The following HPSE2 variants were observed in gnomAD, a reference collection of about 807,000 sequenced individuals.
HPSE2 encodes inactive heparanase-2.
A neutral mutation model predicts 60.5 loss-of-function variants in HPSE2; 38 were observed. The ratio of observed to expected loss-of-function variants is 0.63; its 90% confidence interval spans 0.48 to 0.82. The LOEUF (loss-of-function observed/expected upper bound fraction) is 0.82, where lower values mean the gene tolerates loss of function less well. HPSE2 is among the 40% of genes least tolerant of loss of function. HPSE2 has a pLI of 0.00. For synonymous variants in HPSE2, 295 were observed against 293.2 expected, an observed-to-expected ratio of 1.01 and a Z score of -0.06; for missense variants, 713 against 740.4, an observed-to-expected ratio of 0.96 and a Z score of 0.43.
intron 3 of HPSE2, among the ~76,000 whole-genome samples, chr10:99,008,040 T>C (rs914283498): frequency 6.6e-6 from 1 of 152,226 alleles, no homozygotes; most frequent in Non-Finnish European, 1.5e-5. Flanking sequence ...AATCCTAGTA[T>C]GACTTCTTGC....
chr10:98,963,643 G>A (rs575749712), intron 3 of HPSE2, among the ~76,000 whole-genome samples: 2 of 152,242 alleles, frequency 1.3e-5, no homozygotes, highest in South Asian at 2.1e-4. Context: ...CAAGAAATAC[G>A]TAAGTATGGT....
In HPSE2 at chr10:98,969,428, C is replaced by T. The variant is rs1158182071; in HGVS notation, c.610+174810G>A. Reference sequence around the variant, plus strand: ...AGTTGCATTGGTCTGAGGCCCAGTGCCAACTATTTTTGCCCAGACTTCCCC... The same window carrying T: ...AGTTGCATTGGTCTGAGGCCCAGTGTCAACTATTTTTGCCCAGACTTCCCC... On this transcript the variant is annotated intron_variant, in intron 3 of 11. Transcript: ENST00000370552. Among the ~76,000 whole-genome samples, 3 of 152,154 alleles carry T rather than the reference C, an allele frequency of 2.0e-5. No individual in the cohort carries two copies. The South Asian group carries it at 6.2e-4, about 32-fold the overall frequency.
At chr10:98,563,744 T>A (rs973889599) in intron 9 of HPSE2, among the ~76,000 whole-genome samples, 1 of 152,158 alleles carries the variant, frequency 6.6e-6, no homozygotes, top group African/African-American at 2.4e-5. Flanking sequence ...CACATGCACA[T>A]GTGTGTGTGG....
At chr10:98,883,795 C>T (rs2134893886) in intron 3 of HPSE2, among the ~76,000 whole-genome samples, 2 of 152,198 alleles carry the variant, frequency 1.3e-5, no homozygotes, top group African/African-American at 4.8e-5. Flanking sequence ...CACAGCAAGA[C>T]ACCAACTCTA....
chr10:98,470,785 A>G (rs927500523), intron 11 of HPSE2, among the ~76,000 whole-genome samples: 1 of 152,178 alleles, frequency 6.6e-6, no homozygotes, highest in Non-Finnish European at 1.5e-5. Flanking sequence ...GAGGGTCCCT[A>G]AGTGAGTGGA....
chr10:98,732,447 C>T (rs1201414803), intron 4 of HPSE2, among the ~76,000 whole-genome samples: 2 of 151,764 alleles, frequency 1.3e-5, no homozygotes, highest in African/African-American at 4.8e-5. Context: ...TACAGATCAG[C>T]GGAACAGAAT....
intron 3 of HPSE2, among the ~76,000 whole-genome samples, chr10:98,821,930 G>T (rs939339424): frequency 6.6e-6 from 1 of 152,122 alleles, no homozygotes; most frequent in African/African-American, 2.4e-5. Flanking sequence ...GGATTTAAAT[G>T]ATGTTGTGAA....
At chr10:98,789,247 G>A (rs573914037) in intron 3 of HPSE2, among the ~76,000 whole-genome samples, 1 of 152,296 alleles carries the variant, frequency 6.6e-6, no homozygotes, top group South Asian at 2.1e-4. Flanking sequence ...AAGTGGAGAA[G>A]TACTACGGGG....
intron 3 of HPSE2, among the ~76,000 whole-genome samples, chr10:98,788,584 A>G (rs1482407420): frequency 6.6e-6 from 1 of 151,958 alleles, no homozygotes; most frequent in Non-Finnish European, 1.5e-5. Flanking sequence ...CTGCTGTGCT[A>G]GCAATTAGCG....
chr10:98,625,140 C>T (rs1048107172), intron 7 of HPSE2, among the ~76,000 whole-genome samples: 2 of 152,234 alleles, frequency 1.3e-5, no homozygotes, highest in African/African-American at 2.4e-5. Context: ...CATACCTGCC[C>T]TTGCACAAGC....
At chr10:98,670,684 A>G (rs1489437256) in intron 6 of HPSE2, among the ~76,000 whole-genome samples, 2 of 152,352 alleles carry the variant, frequency 1.3e-5, no homozygotes, top group East Asian at 1.9e-4. Context: ...AAATCAACTC[A>G]TAACTTAGAA....
At chr10:98,581,318 T>TA (rs1180941127) in intron 9 of HPSE2, among the ~76,000 whole-genome samples, 3 of 152,112 alleles carry the variant, frequency 2.0e-5, no homozygotes, top group Non-Finnish European at 4.4e-5. Context: ...TTATAAAAGT[T>TA]AGTCTTTTCT....
chr10:98,619,577 C>T (rs905420018), intron 8 of HPSE2, among the ~76,000 whole-genome samples: 1 of 152,204 alleles, frequency 6.6e-6, no homozygotes, highest in Non-Finnish European at 1.5e-5. Flanking sequence ...GTTTTTAAGA[C>T]CTTCTGTAAT....
intron 3 of HPSE2, among the ~76,000 whole-genome samples, chr10:99,056,716 C>T (rs1174145415): frequency 3.3e-5 from 5 of 151,978 alleles, no homozygotes; most frequent in Non-Finnish European, 5.9e-5. Flanking sequence ...AAATTTTATG[C>T]CCTTGGGAGT....
rs111374334 is a variant in HPSE2 at position 98,946,131 on chromosome 10, T to A, written c.610+198107A>T. On this transcript the variant is annotated intron_variant, in intron 3 of 11. Coordinates refer to ENST00000370552, the MANE Select transcript of HPSE2 (RefSeq NM_021828.5). ...TAGTCTACTTTATCATTTTCTACCA[T>A]AAAATATTACACAAATCTATTATAG... Among the ~76,000 whole-genome samples, 269 of 152,202 alleles carry A rather than the reference T, an allele frequency of 1.8e-3. 1 individual carries two copies. The highest frequency in any genetic ancestry group is 6.3e-3 in the African/African-American group (263 of 41,538).
At chr10:98,539,857 T>C (rs546000532) in intron 9 of HPSE2, among the ~76,000 whole-genome samples, 6 of 152,012 alleles carry the variant, frequency 3.9e-5, no homozygotes, top group African/African-American at 1.4e-4. Flanking sequence ...ACCCCCACCT[T>C]AGGCACACCT....
intron 3 of HPSE2, among the ~76,000 whole-genome samples, chr10:98,852,149 GTGTGTGTGTGTGTGTGTA>G (rs1248981494): frequency 2.9e-5 from 4 of 139,106 alleles, no homozygotes; most frequent in African/African-American, 5.4e-5. Context: ...GTGTGTGTGT[GTGTGTGTGTGTGTGTGTA>G]TATATGTTTG....
intron 2 of HPSE2, among the ~76,000 whole-genome samples, chr10:99,156,333 T>G (rs930159867): frequency 7.6e-6 from 1 of 131,782 alleles, no homozygotes; most frequent in Non-Finnish European, 1.7e-5. Context: ...TTGATGAACA[T>G]TGACGCAAAA....
At chr10:98,978,592 T>C (rs1302809340) in intron 3 of HPSE2, among the ~76,000 whole-genome samples, 1 of 152,190 alleles carries the variant, frequency 6.6e-6, no homozygotes, top group Non-Finnish European at 1.5e-5. Context: ...TCTATATGGC[T>C]AATAGTAACC....
Sources: allele counts gnomAD v4.1 joint callset (sites outside exome capture counted in the v4.1 genomes callset), GRCh38; gene constraint gnomAD v4.1.1; transcripts MANE v1.5; gene names NCBI Gene and HGNC (gene_info 2026-07-23, HGNC 2026-07-21).